Variants in OPCML observed in about 807,000 individuals in gnomAD.
The protein encoded by OPCML is opioid binding protein/cell adhesion molecule like, also known as opioid-binding protein/cell adhesion molecule.
In OPCML, 13 loss-of-function variants were observed where a neutral mutation model predicts 37.8. That is an observed-to-expected ratio of 0.34 (90% CI 0.22 to 0.55). The LOEUF is 0.55. Among genes scored for constraint, OPCML ranks in the 20% least tolerant of loss-of-function variants. The pLI is 0.91. For synonymous variants in OPCML, 176 were observed against 168.8 expected (o/e 1.04, Z -0.33); for missense variants, 341 against 435.6 (o/e 0.78, Z 1.93).
intron 1 of OPCML, among the ~76,000 whole-genome samples, chr11:133,218,812 T>C (rs927077225): frequency 6.6e-5 from 10 of 152,254 alleles, no homozygotes; most frequent in East Asian, 1.9e-4. Flanking sequence ...GTCTTTGGAA[T>C]TGGCACTCAT....
chr11:133,373,172 C>T (rs1472382068), intron 1 of OPCML, among the ~76,000 whole-genome samples: 2 of 152,066 alleles, frequency 1.3e-5, no homozygotes, highest in Non-Finnish European at 2.9e-5. Context: ...TCAATCCAAA[C>T]ACTCATTTCA....
At chr11:133,165,249 T>A (rs959164358) in intron 1 of OPCML, among the ~76,000 whole-genome samples, 1 of 151,886 alleles carries the variant, frequency 6.6e-6, no homozygotes, top group African/African-American at 2.4e-5. Flanking sequence ...GGGACGAGGG[T>A]TTTCCTGTGC....
chr11:132,767,846 G>C (rs1946505680), intron 2 of OPCML, among the ~76,000 whole-genome samples: 1 of 151,676 alleles, frequency 6.6e-6, no homozygotes, highest in Non-Finnish European at 1.5e-5. Flanking sequence ...AATTAAATAT[G>C]GGGGAAAAAC....
intron 2 of OPCML, among the ~76,000 whole-genome samples, chr11:132,862,313 T>A (rs1019552033): frequency 1.3e-5 from 2 of 152,152 alleles, no homozygotes; most frequent in African/African-American, 4.8e-5. Context: ...AAGTTTCGGG[T>A]AGGCTGGGTG....
chr11:133,032,985 T>C (rs1431339898), intron 1 of OPCML, among the ~76,000 whole-genome samples: 1 of 152,166 alleles, frequency 6.6e-6, no homozygotes, highest in Non-Finnish European at 1.5e-5. Flanking sequence ...TACATTAATA[T>C]AATTAGTCTG....
intron 4 of OPCML, among the ~76,000 whole-genome samples, chr11:132,489,478 A>G (rs781025781): frequency 1.1e-4 from 16 of 152,238 alleles, no homozygotes; most frequent in Non-Finnish European, 2.1e-4. Flanking sequence ...TTTCTGCTGT[A>G]TGTAATTATA....
intron 1 of OPCML, among the ~76,000 whole-genome samples, chr11:132,975,529 C>CAAAAAAAAAAAAAAAAAAA (rs56882175): frequency 2.3e-5 from 1 of 42,800 alleles, no homozygotes; most frequent in Admixed American, 2.9e-4. Flanking sequence ...AGGTTTCAAG[C>CAAAAAAAAAAAAAAAAAAA]AAAAAAAAAA....
At chr11:133,162,379 C>T (rs1950155291) in intron 1 of OPCML, among the ~76,000 whole-genome samples, 1 of 152,180 alleles carries the variant, frequency 6.6e-6, no homozygotes. Flanking sequence ...TGTGCGGTTT[C>T]ATTAACATGA....
intron 1 of OPCML, among the ~76,000 whole-genome samples, chr11:133,460,418 A>G (rs1565646947): frequency 2.0e-5 from 3 of 151,952 alleles, no homozygotes; most frequent in Non-Finnish European, 1.5e-5. Context: ...AGTAAAATAA[A>G]GAGTTGGTTT....
intron 1 of OPCML, among the ~76,000 whole-genome samples, chr11:133,504,226 T>C (rs1284451136): frequency 6.6e-6 from 1 of 152,170 alleles, no homozygotes; most frequent in Admixed American, 6.5e-5. Flanking sequence ...TAAAACACTT[T>C]CACGGAGAAC....
chr11:133,450,330 T>G (rs7946839), intron 1 of OPCML, among the ~76,000 whole-genome samples: 12,354 of 151,570 alleles, frequency 0.082, 1,955 homozygotes, highest in African/African-American at 0.28. Flanking sequence ...TACAACCAGA[T>G]GCTAGAGTGA....
chr11:132,934,937 C>G (rs984701094), intron 2 of OPCML, among the ~76,000 whole-genome samples: 1 of 151,924 alleles, frequency 6.6e-6, no homozygotes, highest in African/African-American at 2.4e-5. Context: ...GTAGGGAGTT[C>G]GAGACCAGCC....
intron 1 of OPCML, among the ~76,000 whole-genome samples, chr11:133,076,060 T>C (rs1218609598): frequency 6.6e-6 from 1 of 152,242 alleles, no homozygotes; most frequent in Admixed American, 6.5e-5. Context: ...ACGCTGTATG[T>C]TCTTCCATAA....
At chr11:132,579,144 A>T (rs1408972991) in intron 3 of OPCML, among the ~76,000 whole-genome samples, 1 of 152,172 alleles carries the variant, frequency 6.6e-6, no homozygotes, top group African/African-American at 2.4e-5. Flanking sequence ...GTGGTAACAC[A>T]GAGTATGCGT....
rs183103019 is a variant in OPCML at position 133,183,824 on chromosome 11, A to C, written c.62-240814T>G. Among the ~76,000 whole-genome samples the C allele has an allele frequency of 5.8e-4, 89 of 152,272 alleles. No individual in the cohort carries two copies. The East Asian group carries it at 0.013, about 23-fold the overall frequency. On this transcript the variant is annotated intron_variant, in intron 1 of 7. Coordinates refer to ENST00000524381, the MANE Select transcript of OPCML (RefSeq NM_001012393.5). Reference sequence around the variant, plus strand: ...GCTCATGAACCTGAGGGAAACTCATACTCTAAAGAGAAAAGTAACCCTGAA... The same window carrying C: ...GCTCATGAACCTGAGGGAAACTCATCCTCTAAAGAGAAAAGTAACCCTGAA...
chr11:132,534,235 C>CT (rs1444290972), intron 3 of OPCML, among the ~76,000 whole-genome samples: 1 of 152,106 alleles, frequency 6.6e-6, no homozygotes, highest in Non-Finnish European at 1.5e-5. Context: ...TTCAGGTCCT[C>CT]TTGTTACAAT....
At chr11:133,385,472 A>G (rs1192486416) in intron 1 of OPCML, among the ~76,000 whole-genome samples, 1 of 152,180 alleles carries the variant, frequency 6.6e-6, no homozygotes, top group Admixed American at 6.5e-5. Flanking sequence ...CCGGCAGACA[A>G]GAGCTCAAGC....
At position 133,205,816 on chromosome 11, in the gene OPCML, C is replaced by T. The variant is rs183967642; in HGVS notation, c.62-262806G>A. 1.3e-5 allele frequency among the ~76,000 whole-genome samples: 2 copies of T among 152,230 alleles called. No individual in the cohort carries two copies. The highest frequency in any genetic ancestry group is 1.9e-4 in the East Asian group (1 of 5,174). On this transcript the variant is annotated intron_variant, in intron 1 of 7. Coordinates refer to ENST00000524381, the MANE Select transcript of OPCML (RefSeq NM_001012393.5). The surrounding 1 kb of genome is among the most constrained non-coding windows in gnomAD (Gnocchi z 4.8). ...TTATAAAATTAGGAAGAGTAAAGCG[C>T]GGTGTGAATGAGCAAGAGTTTTGGA... is the stretch of plus-strand genomic sequence containing the variant.
intron 1 of OPCML, among the ~76,000 whole-genome samples, chr11:133,426,249 G>A (rs61455747): frequency 0.15 from 22,637 of 151,972 alleles, 2,709 homozygotes; most frequent in African/African-American, 0.32. Flanking sequence ...ATACAGTGCT[G>A]ACTGAATATA....
Sources: allele counts gnomAD v4.1 joint callset (sites outside exome capture counted in the v4.1 genomes callset), GRCh38; gene constraint gnomAD v4.1.1; non-coding constraint Gnocchi (gnomAD v3.1); transcripts MANE v1.5; gene names NCBI Gene and HGNC (gene_info 2026-07-23, HGNC 2026-07-21).